Variants in HPGDS observed in about 807,000 individuals in gnomAD.
HPGDS encodes hematopoietic prostaglandin D synthase.
In HPGDS, 26 loss-of-function variants were observed where a neutral mutation model predicts 23.1. The observed-to-expected ratio is 1.13, with a 90% CI of 0.83 to 1.56. The LOEUF is 1.56. Among genes scored for constraint, HPGDS ranks in the 40% most tolerant of loss-of-function variants. The probability of loss-of-function intolerance (pLI) is 0.00; values close to 1 mark genes in which losing one functional copy is unlikely to be tolerated. For synonymous variants in HPGDS, 95 were observed against 77.9 expected, an observed-to-expected ratio of 1.22 and a Z score of -1.16; for missense variants, 268 against 236.4, an observed-to-expected ratio of 1.13 and a Z score of -0.88.
intron 2 of HPGDS, among the ~76,000 whole-genome samples, chr4:94,327,462 G>C (rs566322694): frequency 6.6e-6 from 1 of 152,256 alleles, no homozygotes; most frequent in South Asian, 2.1e-4. Flanking sequence ...TAGTGGGTGG[G>C]GTGGGCTGGT....
At chr4:94,321,422 A>G (rs532670502) in intron 2 of HPGDS, among the ~76,000 whole-genome samples, 230 of 152,114 alleles carry the variant, frequency 1.5e-3, no homozygotes, top group African/African-American at 5.2e-3. Flanking sequence ...ATTTGTTTGT[A>G]TCCTCTTTTA....
At chr4:94,312,327 TG>T (rs1756292758) in intron 3 of HPGDS, among the ~76,000 whole-genome samples, 1 of 152,226 alleles carries the variant, frequency 6.6e-6, no homozygotes, top group Admixed American at 6.5e-5. Context: ...CCAGAGATTC[TG>T]GTACGTTGTG....
At chr4:94,314,004 C>G (rs958919558) in intron 3 of HPGDS, among the ~76,000 whole-genome samples, 1 of 152,176 alleles carries the variant, frequency 6.6e-6, no homozygotes, top group Non-Finnish European at 1.5e-5. Flanking sequence ...CCTTTAAGGA[C>G]TTCTCTGCAT....
In HPGDS at chr4:94,334,654, G is replaced by A. The variant is rs72665693; in HGVS notation, c.-9-16C>T. The A allele has an allele frequency of 9.9e-3, 15,861 of 1,604,064 alleles. 101 individuals carry two copies. Among genetic ancestry groups the A allele is most frequent in the Non-Finnish European group, 0.012 (14,218 of 1,176,914 alleles). ...TGGTGCAATTCTGGAAAAAGAAAAA[G>A]GGAGGGATTATTTTAAGAGCCCTCT... On this transcript the variant is annotated splice_polypyrimidine_tract_variant and intron_variant, in intron 1 of 5. Coordinates refer to ENST00000295256, the MANE Select transcript of HPGDS (RefSeq NM_014485.3).
intron 2 of HPGDS, among the ~76,000 whole-genome samples, chr4:94,332,002 T>TA (rs1453952221): frequency 6.6e-6 from 1 of 152,120 alleles, no homozygotes; most frequent in Non-Finnish European, 1.5e-5. Flanking sequence ...AATGCTTTTT[T>TA]ACCAATTGAA....
intron 3 of HPGDS, among the ~76,000 whole-genome samples, chr4:94,316,358 G>A (rs115515838): frequency 6.1e-5 from 9 of 147,792 alleles, no homozygotes; most frequent in African/African-American, 2.3e-4. Flanking sequence ...TCTATCTACT[G>A]TCTCTAAGAT....
chr4:94,299,683 A>G (rs1360194348), intron 5 of HPGDS, 39 bp from the exon 6 acceptor site: 5 of 1,582,484 alleles, frequency 3.2e-6, no homozygotes, highest in Non-Finnish European at 3.5e-6. Flanking sequence ...TGAACATAGA[A>G]AGTGTAGCTG....
chr4:94,331,090 T>A (rs754618464), intron 2 of HPGDS, among the ~76,000 whole-genome samples: 74 of 152,328 alleles, frequency 4.9e-4, no homozygotes, highest in Non-Finnish European at 9.1e-4. Flanking sequence ...CTCAGCAGTA[T>A]ATGAGTGGTT....
At chr4:94,325,530 G>A (rs566243502) in intron 2 of HPGDS, among the ~76,000 whole-genome samples, 10 of 152,260 alleles carry the variant, frequency 6.6e-5, no homozygotes, top group South Asian at 4.1e-4. Context: ...CTTGCAGTTC[G>A]ATCTCAAACT....
chr4:94,342,115 T>G (rs1721184813), intron 1 of HPGDS, among the ~76,000 whole-genome samples: 1 of 151,894 alleles, frequency 6.6e-6, no homozygotes, highest in Admixed American at 6.5e-5. Flanking sequence ...ATGTTTAACT[T>G]TGAATTAGCA....
chr4:94,331,430 A>C (rs1348151994), intron 2 of HPGDS, among the ~76,000 whole-genome samples: 1 of 152,074 alleles, frequency 6.6e-6, no homozygotes, highest in African/African-American at 2.4e-5. Flanking sequence ...TTTTTCTCAA[A>C]TATCTATTGA....
At chr4:94,301,201 C>T (rs563709649) in intron 5 of HPGDS, among the ~76,000 whole-genome samples, 1 of 152,166 alleles carries the variant, frequency 6.6e-6, no homozygotes, top group South Asian at 2.1e-4. Flanking sequence ...CAGCATGCTA[C>T]AAAAAAGCAG....
chr4:94,313,128 G>T (rs566710852), intron 3 of HPGDS, among the ~76,000 whole-genome samples: 1 of 151,424 alleles, frequency 6.6e-6, no homozygotes, highest in Non-Finnish European at 1.5e-5. Context: ...GAGCATTTAG[G>T]CCATTTACAT....
chr4:94,312,368 C>T lies in HPGDS; in HGVS notation c.227-3625G>A, dbSNP rs1025056352. On this transcript the variant is annotated intron_variant, in intron 3 of 5. Coordinates refer to ENST00000295256, the MANE Select transcript of HPGDS (RefSeq NM_014485.3). ...TGTTCTCATTGGTTTCAAAGAACAT[C>T]GTTATTTCTGCCTTCATTTCGTTAT... Among the ~76,000 whole-genome samples the T allele has an allele frequency of 2.4e-4, 36 of 152,146 alleles. 1 individual carries two copies. Among genetic ancestry groups the T allele is most frequent in the Admixed American group, 6.6e-4 (10 of 15,266 alleles).
intron 1 of HPGDS, among the ~76,000 whole-genome samples, chr4:94,340,309 C>CTT (rs1560597992): frequency 0.18 from 5,033 of 28,524 alleles, 510 homozygotes; most frequent in Middle Eastern, 0.25. Flanking sequence ...TTCTTTCTTT[C>CTT]TCTTTTTTTT....
intron 3 of HPGDS, 49 bp from the exon 4 acceptor site, chr4:94,308,792 A>G: frequency 9.5e-7 from 1 of 1,057,964 alleles, no homozygotes; most frequent in African/African-American, 1.6e-5. Flanking sequence ...ACTATATTAA[A>G]AAGTTTGTTT....
intron 3 of HPGDS, among the ~76,000 whole-genome samples, chr4:94,311,827 G>T (rs1756279310): frequency 1.3e-5 from 2 of 151,346 alleles, no homozygotes; most frequent in Non-Finnish European, 2.9e-5. Context: ...TCTGTTATTG[G>T]ACTATTCAGA....
chr4:94,339,874 G>A (rs1721102386), intron 1 of HPGDS, among the ~76,000 whole-genome samples: 3 of 152,034 alleles, frequency 2.0e-5, no homozygotes, highest in Non-Finnish European at 4.4e-5. Context: ...TAAGTCTCAC[G>A]AGATCTGATC....
At chr4:94,339,067 T>C (rs572558574) in intron 1 of HPGDS, among the ~76,000 whole-genome samples, 2 of 152,302 alleles carry the variant, frequency 1.3e-5, no homozygotes, top group Non-Finnish European at 2.9e-5. Flanking sequence ...GAGGACTAAA[T>C]GGTTCTGAGA....
Sources: gnomAD v4.1 joint callset for allele counts (sites outside exome capture counted in the v4.1 genomes callset) on GRCh38, gnomAD v4.1.1 for gene constraint, MANE v1.5 for transcripts, NCBI Gene and HGNC (gene_info 2026-07-23, HGNC 2026-07-21) for gene names.